Variants in ZNF789 observed in about 807,000 individuals in gnomAD.
ZNF789 encodes the protein zinc finger protein 789.
A neutral mutation model predicts 15.6 loss-of-function variants in ZNF789; 11 were observed. The observed-to-expected ratio is 0.70, with a 90% CI of 0.44 to 1.16. ZNF789 has a LOEUF of 1.16. Among genes scored for constraint, ZNF789 ranks in the 50% most tolerant of loss-of-function variants. The pLI is 0.00. For missense variants in ZNF789, 461 were observed against 512.6 expected, an observed-to-expected ratio of 0.90 and a Z score of 0.97; for synonymous variants, 159 against 176.0, an observed-to-expected ratio of 0.90 and a Z score of 0.76.
At chr7:99,485,082 G>A (rs901193949) in intron 4 of ZNF789, 9 of 1,200,166 alleles carry the variant, frequency 7.5e-6, no homozygotes, top group African/African-American at 3.1e-5. Flanking sequence ...GATGCCCCTT[G>A]ATTCCACCCT....
chr7:99,475,238 C>A (rs1034043186), intron 1 of ZNF789, among the ~76,000 whole-genome samples: 2 of 151,880 alleles, frequency 1.3e-5, no homozygotes, highest in African/African-American at 4.8e-5. Flanking sequence ...ACTAAAAATA[C>A]AAAAAAGTAG....
intron 4 of ZNF789, among the ~76,000 whole-genome samples, chr7:99,484,362 A>T (rs1799803858): frequency 6.6e-6 from 1 of 152,194 alleles, no homozygotes. Context: ...GCGGTGGCGC[A>T]TTCCTGTAAT....
At chr7:99,476,777 G>T (rs1799358513) in intron 2 of ZNF789, among the ~76,000 whole-genome samples, 1 of 152,214 alleles carries the variant, frequency 6.6e-6, no homozygotes, top group African/African-American at 2.4e-5. Flanking sequence ...TTAGCACTGT[G>T]TTAAGTTGTT....
At chr7:99,484,198 GTT>G (rs1799794097) in intron 4 of ZNF789, 55 bp downstream of exon 4, 1 of 1,408,532 alleles carries the variant, frequency 7.1e-7, no homozygotes, top group African/African-American at 1.4e-5. Flanking sequence ...GGGAAGGCAT[GTT>G]AGTGAAGCCC....
rs762568004 is a variant in ZNF789 at position 99,487,532 on chromosome 7, CTCTACT to C, written c.*47_*52del. On this transcript the variant is annotated 3_prime_UTR_variant, in exon 5 of 5. Coordinates refer to ENST00000331410, the MANE Select transcript of ZNF789 (RefSeq NM_213603.3). ...CATTGGAGAACTAGAACTTATAAAC[CTCTACT>C]TCAAGTGTGTATCACGTAATTGTTT... 1.9e-6 allele frequency: 3 copies of C among 1,561,108 alleles called. No individual in the cohort carries two copies. Among genetic ancestry groups the C allele is most frequent in the Non-Finnish European group, 2.6e-6 (3 of 1,153,870 alleles).
chr7:99,486,514 A>C lies in ZNF789; in HGVS notation c.304A>C (p.Lys102Gln). The part of the protein sequence containing the change: ...ARHKMKKLTP[K>Q]QKFSEDLESY... Reference sequence around the variant, plus strand: ...ACACAAGATGAAAAAGCTAACTCCAAAACAGAAATTTTCTGAAGATTTAGA... The same window carrying C: ...ACACAAGATGAAAAAGCTAACTCCACAACAGAAATTTTCTGAAGATTTAGA... Residue 102 changes from lysine (K) to glutamine (Q), a missense_variant, in exon 5 of 5, where the codon AAA becomes CAA. Lys to Gln is a moderately conservative substitution (Grantham distance 53). Transcript: ENST00000331410. 2.5e-6 allele frequency: 4 copies of C among 1,613,158 alleles called. No homozygotes were observed. Among genetic ancestry groups the C allele is most frequent in the Non-Finnish European group, 2.5e-6 (3 of 1,179,724 alleles).
intron 3 of ZNF789, chr7:99,483,769 T>C: frequency 1.3e-6 from 1 of 781,114 alleles, no homozygotes; most frequent in Non-Finnish European, 2.4e-6. Flanking sequence ...GCAATACCAC[T>C]GTGCTGAACG....
chr7:99,487,118 A>T lies in ZNF789; in HGVS notation c.908A>T (p.His303Leu). The T allele has an allele frequency of 6.2e-7, 1 of 1,614,220 alleles. No homozygotes were observed. Among genetic ancestry groups the T allele is most frequent in the Non-Finnish European group, 8.5e-7 (1 of 1,180,040 alleles). Residue 303 changes from histidine (H) to leucine (L), a missense_variant, in exon 5 of 5, where the codon CAT (histidine) becomes CTT (leucine). His to Leu is a moderately conservative substitution (Grantham distance 99). Transcript: ENST00000331410. Reference protein sequence around the residue: ...TFSQNSTLIRHQVIHSGEKRH... With the variant: ...TFSQNSTLIRLQVIHSGEKRH... The stretch of plus-strand genomic sequence containing the variant: ...AGTCAGAATTCAACCCTTATTCGAC[A>T]TCAGGTGATCCATAGTGGAGAAAAA...
intron 4 of ZNF789, 146 bp from the exon 5 acceptor site, chr7:99,486,330 A>G: frequency 1.2e-6 from 1 of 834,058 alleles, no homozygotes; most frequent in Non-Finnish European, 1.8e-6. Context: ...AAAATTTCAG[A>G]GTTTTGGCCT....
intron 4 of ZNF789, among the ~76,000 whole-genome samples, chr7:99,484,471 T>C (rs1465622885): frequency 1.3e-5 from 2 of 152,100 alleles, no homozygotes; most frequent in Admixed American, 6.6e-5. Context: ...AATATAAAAA[T>C]TAGCCCCGCG....
At chr7:99,479,850 C>T (rs1442044389) in intron 3 of ZNF789, 63 bp downstream of exon 3, 22 of 1,488,942 alleles carry the variant, frequency 1.5e-5, no homozygotes, top group Non-Finnish European at 1.8e-5. Flanking sequence ...AGCCCTTAGT[C>T]CCTTATCTGC....
intron 3 of ZNF789, chr7:99,481,904 C>CT (rs1396011513): frequency 2.3e-6 from 1 of 442,326 alleles, no homozygotes; most frequent in Non-Finnish European, 4.0e-6. Flanking sequence ...AGAAGTAACT[C>CT]TTGTTATTAA....
chr7:99,485,165 C>T lies in ZNF789; in HGVS notation c.265+1022C>T, dbSNP rs894615992. ...TTGTTTTCATATTACTCCCGTATTT[C>T]CTGACATATCTGCATTTTTCTACTT... On this transcript the variant is annotated intron_variant, in intron 4 of 4. Transcript: ENST00000331410. The T allele has an allele frequency of 3.9e-6, 6 of 1,534,882 alleles. No homozygotes were observed. In the African/African-American group the frequency reaches 4.1e-5, roughly 11 times the overall value.
intron 1 of ZNF789, among the ~76,000 whole-genome samples, chr7:99,474,846 G>A (rs539425848): frequency 6.6e-6 from 1 of 152,178 alleles, no homozygotes; most frequent in Non-Finnish European, 1.5e-5. Flanking sequence ...ACAACTGGGC[G>A]TGGTGGTGCA....
Position 99,484,113 on chromosome 7 carries a change from A to C in ZNF789, c.235A>C (p.Asn79His), listed in dbSNP as rs749737908. The change falls in exon 4 of 5, where the codon AAT becomes CAT. Residue 79 changes from asparagine to histidine, a missense_variant. Transcript: ENST00000331410. ...QWILDLPRTG[N>H]RKASGSACPG... ...GATCCTGGATCTACCGAGAACTGGG[A>C]ATAGGAAGGCTTCCGGTAGTGCTTG... 2 of 1,613,854 alleles carry C rather than the reference A, an allele frequency of 1.2e-6. No homozygotes were observed. Among genetic ancestry groups the C allele is most frequent in the Non-Finnish European group, 1.7e-6 (2 of 1,179,940 alleles).
At chr7:99,473,265 C>G (rs373755257) in intron 1 of ZNF789, among the ~76,000 whole-genome samples, 1 of 152,228 alleles carries the variant, frequency 6.6e-6, no homozygotes, top group African/African-American at 2.4e-5. Context: ...AACGCCTGGA[C>G]TTGGTTTTGT....
chr7:99,478,240 C>T, intron 2 of ZNF789: 1 of 1,273,384 alleles, frequency 7.9e-7, no homozygotes, highest in Non-Finnish European at 1.0e-6. Context: ...GGAGATGAAG[C>T]CATTTTATTC....
At chr7:99,476,565 G>A in intron 2 of ZNF789, 85 bp downstream of exon 2, 1 of 1,556,630 alleles carries the variant, frequency 6.4e-7, no homozygotes, top group Non-Finnish European at 8.7e-7. Flanking sequence ...CTTGATCAAT[G>A]TGGGGAGTTT....
chr7:99,487,356 G>C lies in ZNF789; in HGVS notation c.1146G>C (p.Arg382Ser), dbSNP rs780268259. 1.2e-6 allele frequency: 2 copies of C among 1,614,082 alleles called. No individual in the cohort carries two copies. Among genetic ancestry groups the C allele is most frequent in the Non-Finnish European group, 1.7e-6 (2 of 1,180,050 alleles). Residue 382 changes from arginine (R) to serine (S), a missense_variant, in exon 5 of 5, where the codon AGG (arginine) becomes AGC (serine). Arg to Ser is a moderately radical substitution (Grantham distance 110). Coordinates refer to ENST00000331410, the MANE Select transcript of ZNF789 (RefSeq NM_213603.3). ...GTGGGAAAACGTTTAGTTTTAAGAG[G>C]AATCTTTTTCGACATCAGGTCATTC... is the stretch of plus-strand genomic sequence containing the variant. ...GECGKTFSFKRNLFRHQVIHT... is the reference protein window; with the variant it reads ...GECGKTFSFKSNLFRHQVIHT...
Sources: allele counts gnomAD v4.1 joint callset (sites outside exome capture counted in the v4.1 genomes callset), GRCh38; gene constraint gnomAD v4.1.1; transcripts MANE v1.5; gene names NCBI Gene and HGNC (gene_info 2026-07-23, HGNC 2026-07-21).